Variants in ANKRD27 observed in about 807,000 individuals in gnomAD.
ANKRD27 encodes ankyrin repeat domain-containing protein 27.
In ANKRD27, 112 loss-of-function variants were observed where a neutral mutation model predicts 129.7. The ratio of observed to expected loss-of-function variants is 0.86; its 90% CI spans 0.74 to 1.01. The LOEUF (loss-of-function observed/expected upper bound fraction) is 1.01. ANKRD27 is among the 50% of genes least tolerant of loss of function. The probability of loss-of-function intolerance (pLI) is 0.00; values close to 1 mark genes in which losing one functional copy is unlikely to be tolerated. For synonymous variants in ANKRD27, 516 were observed against 511.2 expected, an observed-to-expected ratio of 1.01 and a Z score of -0.13; for missense variants, 1,258 against 1,300.5, an observed-to-expected ratio of 0.97 and a Z score of 0.50.
chr19:32,647,082 T>C (rs1967317720), intron 3 of ANKRD27, among the ~76,000 whole-genome samples: 1 of 152,242 alleles, frequency 6.6e-6, no homozygotes, highest in African/African-American at 2.4e-5. Context: ...CGCCTTGGCC[T>C]CCTGGAGTGC....
At position 32,640,373 on chromosome 19, in the gene ANKRD27, G is replaced by A; in HGVS notation, c.917C>T (p.Thr306Ile). 1 of 1,613,906 alleles carries A rather than the reference G, an allele frequency of 6.2e-7. No homozygotes were observed. The highest frequency in any genetic ancestry group is 8.5e-7 in the Non-Finnish European group (1 of 1,179,822). ...TGATAGCAGATCATCAGCACACATGGTCTCCAGGTTCACTGCAAAGGGGAA... is the reference window on the plus strand; with the variant it reads ...TGATAGCAGATCATCAGCACACATGATCTCCAGGTTCACTGCAAAGGGGAA... Reference protein sequence around the residue: ...QSPSQRVNLETMCADDLLSVL... With the variant: ...QSPSQRVNLEIMCADDLLSVL... The change falls in exon 11 of 29, where the codon ACC becomes ATC. Residue 306 changes from threonine (T) to isoleucine (I), a missense_variant. By Grantham distance (89) the Thr-to-Ile change is moderately conservative. Coordinates refer to ENST00000306065, the MANE Select transcript of ANKRD27 (RefSeq NM_032139.3).
In ANKRD27 at chr19:32,643,500, A is replaced by C; in HGVS notation, c.586-16T>G. 6.2e-7 allele frequency: 1 copy of C among 1,613,834 alleles called. No individual in the cohort carries two copies. Among genetic ancestry groups the C allele is most frequent in the Non-Finnish European group, 8.5e-7 (1 of 1,179,986 alleles). The stretch of plus-strand genomic sequence containing the variant: ...CGAGCATTTTCTAGAGGGCAAGAAA[A>C]GCACAGTGAAAGGGCTTGGATTTGC... On this transcript the variant is annotated splice_polypyrimidine_tract_variant and intron_variant, in intron 6 of 28. Coordinates refer to ENST00000306065, the MANE Select transcript of ANKRD27 (RefSeq NM_032139.3).
At chr19:32,671,782 G>A (rs1967874847) in intron 1 of ANKRD27, among the ~76,000 whole-genome samples, 1 of 152,228 alleles carries the variant, frequency 6.6e-6, no homozygotes, top group South Asian at 2.1e-4. Context: ...GGAAAGATAA[G>A]TGAATCTTCT....
chr19:32,672,080 T>C (rs1382424322), intron 1 of ANKRD27, among the ~76,000 whole-genome samples: 2 of 152,182 alleles, frequency 1.3e-5, no homozygotes, highest in African/African-American at 4.8e-5. Flanking sequence ...GAATTCAGCA[T>C]GGGGGAATTC....
intron 1 of ANKRD27, among the ~76,000 whole-genome samples, chr19:32,662,311 C>CAAAA (rs34066529): frequency 2.1e-4 from 8 of 37,960 alleles, no homozygotes; most frequent in African/African-American, 4.5e-4. Flanking sequence ...ACTCAGTCTC[C>CAAAA]AAAAAAAAAA....
At chr19:32,634,775 C>T (rs957523335) in intron 12 of ANKRD27, among the ~76,000 whole-genome samples, 17 of 152,020 alleles carry the variant, frequency 1.1e-4, no homozygotes, top group African/African-American at 3.9e-4. Flanking sequence ...ATTAGCCGTG[C>T]GTAGTGGTGC....
chr19:32,628,519 G>A (rs539778149), intron 14 of ANKRD27, among the ~76,000 whole-genome samples: 6 of 152,326 alleles, frequency 3.9e-5, no homozygotes, highest in Admixed American at 2.0e-4. Context: ...CAGCCAGCCC[G>A]CCAGTGAGCA....
intron 3 of ANKRD27, among the ~76,000 whole-genome samples, chr19:32,649,057 C>T (rs561417299): frequency 6.6e-6 from 1 of 151,132 alleles, no homozygotes; most frequent in East Asian, 2.0e-4. Flanking sequence ...AGCTCAAACT[C>T]CTCAGCTTAA....
intron 21 of ANKRD27, among the ~76,000 whole-genome samples, chr19:32,616,605 G>A (rs1300254627): frequency 6.7e-6 from 1 of 149,814 alleles, no homozygotes; most frequent in Non-Finnish European, 1.5e-5. Flanking sequence ...CCAAAGGCAA[G>A]CCAGGGGAAC....
At chr19:32,669,919 C>T (rs550221476) in intron 1 of ANKRD27, among the ~76,000 whole-genome samples, 7 of 151,154 alleles carry the variant, frequency 4.6e-5, no homozygotes, top group Non-Finnish European at 7.4e-5. Context: ...TTGCTTGAAC[C>T]TAAGAAGTGG....
intron 1 of ANKRD27, among the ~76,000 whole-genome samples, chr19:32,664,662 A>AAT (rs1568421147): frequency 1.0e-5 from 1 of 96,984 alleles, no homozygotes; most frequent in African/African-American, 3.5e-5. Context: ...ATAATAATAA[A>AAT]AAGTTCTTCA....
intron 4 of ANKRD27, among the ~76,000 whole-genome samples, chr19:32,645,503 A>C (rs954720229): frequency 6.6e-6 from 1 of 152,046 alleles, no homozygotes; most frequent in Admixed American, 6.6e-5. Flanking sequence ...CAGTGGTGTG[A>C]TCATGGCTCA....
chr19:32,662,157 C>T (rs1053690165), intron 1 of ANKRD27, among the ~76,000 whole-genome samples: 22 of 151,592 alleles, frequency 1.5e-4, no homozygotes, highest in Admixed American at 1.2e-3. Context: ...TACAAAAATA[C>T]AAAAATTAGT....
In ANKRD27 at chr19:32,619,278, G is replaced by A. The variant is rs922742909; in HGVS notation, c.1989C>T (p.Thr663=). The change falls in exon 20 of 29, where the codon ACC becomes ACT. Residue 663 remains threonine (T), a synonymous_variant. Transcript: ENST00000306065. ...GCCTCACCTCTCTGTAGTCCTTCTT[G>A]GTCTCCTCCTGCCTTGAGCTGGCTG... is the stretch of plus-strand genomic sequence containing the variant. ...SMSASSRQEE[T]KKDYREVEKL... The A allele has an allele frequency of 4.5e-5, 73 of 1,613,370 alleles. No homozygotes were observed. Among genetic ancestry groups the A allele is most frequent in the Non-Finnish European group, 5.8e-5 (69 of 1,179,832 alleles).
At chr19:32,641,929 A>G in intron 10 of ANKRD27, 95 bp downstream of exon 10, 1 of 1,434,304 alleles carries the variant, frequency 7.0e-7, no homozygotes, top group South Asian at 1.5e-5. Flanking sequence ...CACTGCACCC[A>G]GCCCCATAAA....
At chr19:32,643,001 G>A in intron 9 of ANKRD27, 122 bp downstream of exon 9, 1 of 939,388 alleles carries the variant, frequency 1.1e-6, no homozygotes, top group Non-Finnish European at 1.6e-6. Flanking sequence ...TAACTGCGCT[G>A]CTCCTCAGAA....
At chr19:32,669,932 G>A (rs1161504365) in intron 1 of ANKRD27, among the ~76,000 whole-genome samples, 1 of 151,292 alleles carries the variant, frequency 6.6e-6, no homozygotes, top group Non-Finnish European at 1.5e-5. Flanking sequence ...AGAAGTGGAG[G>A]TTGCAGCGAG....
chr19:32,607,534 C>T (rs1406806958), intron 23 of ANKRD27, 101 bp downstream of exon 23: 1 of 1,401,130 alleles, frequency 7.1e-7, no homozygotes, highest in Non-Finnish European at 9.8e-7. Context: ...GAGCAGTGTC[C>T]TCCAGGGTAG....
intron 21 of ANKRD27, among the ~76,000 whole-genome samples, chr19:32,616,430 G>T (rs1309207674): frequency 6.6e-6 from 1 of 151,790 alleles, no homozygotes; most frequent in African/African-American, 2.4e-5. Flanking sequence ...GCGCATGCCT[G>T]TAGTCCCACC....
Sources: gnomAD v4.1 joint callset for allele counts (sites outside exome capture counted in the v4.1 genomes callset) on GRCh38, gnomAD v4.1.1 for gene constraint, MANE v1.5 for transcripts, NCBI Gene and HGNC (gene_info 2026-07-23, HGNC 2026-07-21) for gene names.